Variants in PAPSS1 observed in about 807,000 individuals in gnomAD.
PAPSS1 encodes 3'-phosphoadenosine 5'-phosphosulfate synthase 1, also known as bifunctional 3'-phosphoadenosine 5'-phosphosulfate synthase 1.
In PAPSS1, 50 loss-of-function variants were observed where a neutral mutation model predicts 72.0. That is an observed-to-expected ratio of 0.69 (90% CI 0.55 to 0.88). The LOEUF is 0.88. Ranked by LOEUF, PAPSS1 falls within the 40% of genes least tolerant of loss-of-function variation. The pLI is 0.00. For missense variants in PAPSS1, 657 were observed against 782.2 expected (o/e 0.84, Z 1.91); for synonymous variants, 261 against 263.6 (o/e 0.99, Z 0.09).
At chr4:107,656,756 C>T (rs1578402332) in intron 7 of PAPSS1, 140 bp downstream of exon 7, 3 of 628,504 alleles carry the variant, frequency 4.8e-6, no homozygotes, top group South Asian at 3.9e-5. Flanking sequence ...ATAAAGTGTT[C>T]GGTACTGATA....
At chr4:107,708,061 GC>G (rs1723384871) in intron 1 of PAPSS1, among the ~76,000 whole-genome samples, 1 of 152,084 alleles carries the variant, frequency 6.6e-6, no homozygotes, top group African/African-American at 2.4e-5. Flanking sequence ...TAATAGGTAT[GC>G]CACAAAAGCT....
intron 8 of PAPSS1, 122 bp downstream of exon 8, chr4:107,654,573 C>T (rs985710604): frequency 5.1e-6 from 4 of 780,314 alleles, no homozygotes; most frequent in Non-Finnish European, 8.8e-6. Flanking sequence ...ATCTAAGGTC[C>T]AATCTCTACT....
chr4:107,678,288 T>G (rs1044367787), intron 5 of PAPSS1, among the ~76,000 whole-genome samples: 133 of 151,746 alleles, frequency 8.8e-4, no homozygotes, highest in African/African-American at 3.1e-3. Flanking sequence ...TAGAATTTTA[T>G]GCAAATTTCT....
chr4:107,647,916 A>G (rs966500113), intron 9 of PAPSS1, among the ~76,000 whole-genome samples: 1 of 152,154 alleles, frequency 6.6e-6, no homozygotes, highest in Admixed American at 6.5e-5. Context: ...CCTTCCTTCC[A>G]GTTCACCGGA....
intron 1 of PAPSS1, among the ~76,000 whole-genome samples, chr4:107,714,561 C>G (rs938817946): frequency 6.6e-6 from 1 of 152,114 alleles, no homozygotes; most frequent in African/African-American, 2.4e-5. Context: ...AACTTCCAGG[C>G]TGATGGGGGA....
At chr4:107,686,154 C>T (rs1578421978) in intron 4 of PAPSS1, among the ~76,000 whole-genome samples, 1 of 152,164 alleles carries the variant, frequency 6.6e-6, no homozygotes, top group East Asian at 1.9e-4. Flanking sequence ...TCTAAATGTC[C>T]ATCACAGTTG....
chr4:107,647,820 T>A (rs1340247962), intron 9 of PAPSS1, among the ~76,000 whole-genome samples: 2 of 152,204 alleles, frequency 1.3e-5, no homozygotes, highest in Admixed American at 1.3e-4. Context: ...AATTCCTTCT[T>A]GACAGACTCA....
intron 3 of PAPSS1, among the ~76,000 whole-genome samples, chr4:107,688,819 A>G (rs1468345381): frequency 1.3e-5 from 2 of 152,130 alleles, no homozygotes; most frequent in Non-Finnish European, 2.9e-5. Flanking sequence ...AATTCTTCCT[A>G]TGTCCACCTG....
chr4:107,632,616 A>C (rs1441495176), intron 10 of PAPSS1, among the ~76,000 whole-genome samples: 1 of 152,150 alleles, frequency 6.6e-6, no homozygotes, highest in Non-Finnish European at 1.5e-5. Context: ...AAAAACAAAA[A>C]TTAGTCTAAT....
intron 10 of PAPSS1, among the ~76,000 whole-genome samples, chr4:107,641,806 C>A (rs955638534): frequency 1.3e-5 from 2 of 152,186 alleles, no homozygotes; most frequent in African/African-American, 4.8e-5. Flanking sequence ...CATAATCAAA[C>A]TCTAGGACTT....
At chr4:107,664,613 T>C (rs943201597) in intron 5 of PAPSS1, among the ~76,000 whole-genome samples, 2 of 152,116 alleles carry the variant, frequency 1.3e-5, no homozygotes, top group Non-Finnish European at 2.9e-5. Flanking sequence ...CTAACGAATG[T>C]TTCTATAGAT....
At chr4:107,700,397 G>T (rs1723175807) in intron 2 of PAPSS1, among the ~76,000 whole-genome samples, 1 of 152,164 alleles carries the variant, frequency 6.6e-6, no homozygotes, top group Non-Finnish European at 1.5e-5. Flanking sequence ...TCACCAGCCT[G>T]CTATGACTAA....
chr4:107,647,174 C>T (rs1726718347), intron 9 of PAPSS1, among the ~76,000 whole-genome samples: 6 of 152,144 alleles, frequency 3.9e-5, no homozygotes, highest in Admixed American at 3.3e-4. Context: ...GGAGCAAAGA[C>T]GTTCCCTAAG....
intron 7 of PAPSS1, among the ~76,000 whole-genome samples, chr4:107,656,174 G>A (rs1300889356): frequency 6.6e-6 from 1 of 152,056 alleles, no homozygotes; most frequent in African/African-American, 2.4e-5. Context: ...GTATAGTGGT[G>A]CCATGATCTT....
intron 1 of PAPSS1, among the ~76,000 whole-genome samples, chr4:107,718,962 C>T (rs995360623): frequency 5.9e-5 from 9 of 152,174 alleles, no homozygotes; most frequent in African/African-American, 2.2e-4. Flanking sequence ...AAGTGACTCT[C>T]CTCAAGATCA....
At chr4:107,635,283 A>C (rs2110305222) in intron 10 of PAPSS1, among the ~76,000 whole-genome samples, 1 of 152,336 alleles carries the variant, frequency 6.6e-6, no homozygotes, top group Admixed American at 6.5e-5. Flanking sequence ...TGCTAAAAAC[A>C]AAAAGTGAGA....
chr4:107,679,214 C>G (rs1440576926), intron 5 of PAPSS1, among the ~76,000 whole-genome samples: 2 of 151,964 alleles, frequency 1.3e-5, no homozygotes, highest in African/African-American at 4.8e-5. Context: ...GAGCCTAGCA[C>G]CAAGTGATAA....
chr4:107,713,105 C>T (rs965301939), intron 1 of PAPSS1, among the ~76,000 whole-genome samples: 3 of 151,790 alleles, frequency 2.0e-5, no homozygotes, highest in Non-Finnish European at 2.9e-5. Context: ...TGCCACCATG[C>T]GTGGCTAATT....
At chr4:107,683,298 A>G (rs1560583842) in intron 4 of PAPSS1, among the ~76,000 whole-genome samples, 1 of 152,092 alleles carries the variant, frequency 6.6e-6, no homozygotes, top group Non-Finnish European at 1.5e-5. Flanking sequence ...GCAGCCCTGA[A>G]CTCAAGAAAA....
Sources: gnomAD v4.1 joint callset for allele counts (sites outside exome capture counted in the v4.1 genomes callset) on GRCh38, gnomAD v4.1.1 for gene constraint, MANE v1.5 for transcripts, NCBI Gene and HGNC (gene_info 2026-07-23, HGNC 2026-07-21) for gene names.